The following MSR1 variants were observed in gnomAD, a reference collection of about 807,000 sequenced individuals.
MSR1 encodes the protein macrophage scavenger receptor types I and II.
A neutral mutation model predicts 47.2 loss-of-function variants in MSR1; 53 were observed. That is an observed-to-expected ratio of 1.12 (90% CI 0.90 to 1.41). The LOEUF is 1.41. Among genes scored for constraint, MSR1 ranks in the 40% most tolerant of loss-of-function variants. The probability of loss-of-function intolerance (pLI) is 0.00; values close to 1 mark genes in which losing one functional copy is unlikely to be tolerated. For missense variants in MSR1, 786 were observed against 546.9 expected (o/e 1.44, Z -4.36); for synonymous variants, 239 against 185.6 (o/e 1.29, Z -2.34).
chr8:16,190,575 C>T (rs1802169567), intron 1 of MSR1, among the ~76,000 whole-genome samples: 1 of 152,052 alleles, frequency 6.6e-6, no homozygotes, highest in Non-Finnish European at 1.5e-5. Context: ...GCTTATACAT[C>T]CCCACAGGTT....
intron 7 of MSR1, among the ~76,000 whole-genome samples, chr8:16,148,738 G>A (rs1800766767): frequency 1.3e-5 from 2 of 152,120 alleles, no homozygotes. Context: ...ACGATTACAG[G>A]TGTGAGCCAC....
intron 1 of MSR1, among the ~76,000 whole-genome samples, chr8:16,191,075 T>G (rs1802187804): frequency 6.6e-6 from 1 of 152,180 alleles, no homozygotes; most frequent in Non-Finnish European, 1.5e-5. Context: ...ATAATAAGCT[T>G]GTGATCCTCC....
chr8:16,160,091 C>T (rs1221730962), intron 5 of MSR1, among the ~76,000 whole-genome samples: 1 of 151,970 alleles, frequency 6.6e-6, no homozygotes, highest in Non-Finnish European at 1.5e-5. Context: ...ACAGGCAAAA[C>T]TGTATGTCTA....
chr8:16,164,380 G>A, intron 4 of MSR1, 129 bp from the exon 5 acceptor site: 1 of 718,942 alleles, frequency 1.4e-6, no homozygotes, highest in Non-Finnish European at 2.3e-6. Context: ...TAAGAATATA[G>A]AAATTAGAAA....
rs756107191 is a variant in MSR1 at position 16,150,228 on chromosome 8, T to C, written c.979+3A>G. 5 of 1,508,138 alleles carry C rather than the reference T, an allele frequency of 3.3e-6. No individual in the cohort carries two copies. Among genetic ancestry groups the C allele is most frequent in the African/African-American group, 2.8e-5 (2 of 71,346 alleles). 93.4% of individuals were successfully genotyped at this position (1,508,138 alleles called of 1,614,324 possible). A position where few individuals can be genotyped will look rare whatever the true frequency, so the allele number is the denominator to read the frequency against. On this transcript the variant is annotated splice_donor_region_variant and intron_variant, in intron 7 of 9. Coordinates refer to ENST00000262101, the MANE Select transcript of MSR1 (RefSeq NM_138715.3). ...ATAAAGAAAATACACATTATTGTAA[T>C]ACCTGGCCTTCCGGCATATCCTGGG...
intron 8 of MSR1, chr8:16,120,820 G>A: frequency 1.6e-6 from 1 of 609,858 alleles, no homozygotes; most frequent in Non-Finnish European, 2.8e-6. Context: ...GCTGTTAAGA[G>A]CAAAATCCAA....
intron 5 of MSR1, among the ~76,000 whole-genome samples, chr8:16,163,186 A>G (rs982472334): frequency 6.6e-6 from 1 of 152,006 alleles, no homozygotes; most frequent in African/African-American, 2.4e-5. Context: ...AAAAATCTTA[A>G]TCAATCCAAA....
At chr8:16,131,516 A>C (rs1241636949) in intron 8 of MSR1, among the ~76,000 whole-genome samples, 1 of 94,510 alleles carries the variant, frequency 1.1e-5, no homozygotes, top group Non-Finnish European at 2.0e-5. Flanking sequence ...TTTATTTTTG[A>C]TGCAATTGCT....
intron 5 of MSR1, among the ~76,000 whole-genome samples, chr8:16,161,101 C>T (rs750245265): frequency 1.4e-4 from 21 of 146,080 alleles, no homozygotes; most frequent in Non-Finnish European, 3.0e-4. Context: ...AACTGAGAAG[C>T]GGATGTAATA....
At chr8:16,141,025 G>C in intron 8 of MSR1, 1 of 1,613,616 alleles carries the variant, frequency 6.2e-7, no homozygotes, top group Non-Finnish European at 8.5e-7. Flanking sequence ...GCCCTAATAT[G>C]ATCAGTGAGT....
chr8:16,132,817 G>A (rs1467488735), intron 8 of MSR1, among the ~76,000 whole-genome samples: 1 of 148,214 alleles, frequency 6.7e-6, no homozygotes, highest in East Asian at 1.9e-4. Context: ...TGCTGAACAG[G>A]AGTAGTGGAG....
intron 8 of MSR1, among the ~76,000 whole-genome samples, chr8:16,129,632 C>T (rs753525536): frequency 1.3e-5 from 2 of 152,156 alleles, no homozygotes; most frequent in South Asian, 4.2e-4. Context: ...CCTGTAGTTC[C>T]AGCTACCTGG....
chr8:16,170,705 C>T (rs1221031623), intron 3 of MSR1, among the ~76,000 whole-genome samples: 1 of 152,130 alleles, frequency 6.6e-6, no homozygotes, highest in Non-Finnish European at 1.5e-5. Flanking sequence ...CTACCCCTAA[C>T]TCAAGGATTT....
At chr8:16,155,170 C>A in intron 5 of MSR1, 26 bp from the exon 6 acceptor site, 1 of 1,573,852 alleles carries the variant, frequency 6.4e-7, no homozygotes, top group South Asian at 1.1e-5. Context: ...AGTTACTGAT[C>A]ATAGTTGTAA....
intron 9 of MSR1, among the ~76,000 whole-genome samples, chr8:16,115,127 C>T (rs1799848844): frequency 6.6e-6 from 1 of 151,848 alleles, no homozygotes; most frequent in Admixed American, 6.6e-5. Flanking sequence ...TGCGGTGAGC[C>T]GAGATTGTGC....
At chr8:16,157,582 A>G (rs1264809090) in intron 5 of MSR1, among the ~76,000 whole-genome samples, 2 of 151,926 alleles carry the variant, frequency 1.3e-5, no homozygotes, top group Non-Finnish European at 2.9e-5. Flanking sequence ...TAGATCTTTT[A>G]CTGTTTCTAA....
intron 1 of MSR1, among the ~76,000 whole-genome samples, chr8:16,188,756 G>T (rs1032668834): frequency 6.6e-6 from 1 of 151,870 alleles, no homozygotes; most frequent in African/African-American, 2.4e-5. Context: ...GTGAGAACAT[G>T]CAGTGTTTCT....
chr8:16,153,370 T>C lies in MSR1; in HGVS notation c.898+1694A>G, dbSNP rs76159576. Among the ~76,000 whole-genome samples the C allele has an allele frequency of 8.7e-3, 1,320 of 152,126 alleles. 22 individuals are homozygous for C. The highest frequency in any genetic ancestry group is 0.03 in the African/African-American group (1,259 of 41,532). ...AGATGCCTGGTATTTTGAATACTTT[T>C]CTTGTAGTGCACCAAACAAAATGGT... On this transcript the variant is annotated intron_variant, in intron 6 of 9. Transcript: ENST00000262101.
chr8:16,128,578 G>A (rs1800182141), intron 8 of MSR1, among the ~76,000 whole-genome samples: 1 of 152,090 alleles, frequency 6.6e-6, no homozygotes, highest in Admixed American at 6.6e-5. Flanking sequence ...TACTTTATCT[G>A]TGGTATTCTG....
Sources: gnomAD v4.1 joint callset for allele counts (sites outside exome capture counted in the v4.1 genomes callset) on GRCh38, gnomAD v4.1.1 for gene constraint, MANE v1.5 for transcripts, NCBI Gene and HGNC (gene_info 2026-07-23, HGNC 2026-07-21) for gene names.